SLIT3: variants seen among roughly 807,000 people sequenced by gnomAD.
SLIT3 encodes slit guidance ligand 3, also known as slit homolog 3 protein.
Under a neutral mutation model 184.0 loss-of-function variants are expected in SLIT3, and 68 were observed. The ratio of observed to expected loss-of-function variants is 0.37; its 90% CI spans 0.30 to 0.45. The LOEUF is 0.45. SLIT3 is among the 20% of genes least tolerant of loss of function. The pLI, the probability that SLIT3 is intolerant of heterozygous loss-of-function variation, is 1.00. For synonymous variants in SLIT3, 831 were observed against 828.6 expected, an observed-to-expected ratio of 1.00 and a Z score of -0.05; for missense variants, 1,707 against 2,026.0, an observed-to-expected ratio of 0.84 and a Z score of 3.02.
chr5:168,801,559 C>G (rs911239728), intron 9 of SLIT3, among the ~76,000 whole-genome samples: 1 of 152,112 alleles, frequency 6.6e-6, no homozygotes, highest in East Asian at 1.9e-4. Context: ...CGGGATACCA[C>G]CATGGGGAGA....
chr5:168,781,911 A>C lies in SLIT3; in HGVS notation c.1151+3996T>G, dbSNP rs1755986235. Among the ~76,000 whole-genome samples the C allele has an allele frequency of 2.0e-5, 3 of 152,218 alleles. No individual in the cohort carries two copies. The South Asian group carries it at 6.2e-4, about 32-fold the overall frequency. On this transcript the variant is annotated intron_variant, in intron 12 of 35. Coordinates refer to ENST00000519560, the MANE Select transcript of SLIT3 (RefSeq NM_003062.4). ...CTTAACCCTCAGTTTCCCCCTCTGT[A>C]AAATGGGCCTTTCCACAACACCTTC...
chr5:169,066,743 T>TCA (rs1758361092), intron 4 of SLIT3, among the ~76,000 whole-genome samples: 3 of 152,130 alleles, frequency 2.0e-5, no homozygotes, highest in Non-Finnish European at 4.4e-5. Context: ...AGGATATTAA[T>TCA]TGAAATGTTG....
At chr5:169,274,358 A>G (rs1427359222) in intron 1 of SLIT3, among the ~76,000 whole-genome samples, 2 of 152,358 alleles carry the variant, frequency 1.3e-5, no homozygotes, top group African/African-American at 4.8e-5. Flanking sequence ...AAAGGCAACT[A>G]CTTTAACCTC....
chr5:169,069,594 T>C (rs1401000212), intron 4 of SLIT3, among the ~76,000 whole-genome samples: 1 of 152,138 alleles, frequency 6.6e-6, no homozygotes, highest in African/African-American at 2.4e-5. Context: ...CACTGGACAC[T>C]TAGCACACTC....
chr5:169,151,517 C>A (rs570137123), intron 4 of SLIT3, among the ~76,000 whole-genome samples: 2 of 152,340 alleles, frequency 1.3e-5, no homozygotes, highest in South Asian at 4.1e-4. Context: ...TGTAAGGGAC[C>A]AAAATGAGCT....
At chr5:168,955,968 C>T (rs1187174585) in intron 4 of SLIT3, among the ~76,000 whole-genome samples, 3 of 152,166 alleles carry the variant, frequency 2.0e-5, no homozygotes, top group African/African-American at 7.2e-5. Flanking sequence ...AGCCAACAAG[C>T]ATCTGGGCTG....
chr5:168,757,740 CCT>C (rs1423685036), intron 16 of SLIT3, among the ~76,000 whole-genome samples: 3 of 152,198 alleles, frequency 2.0e-5, no homozygotes, highest in Non-Finnish European at 2.9e-5. Context: ...CAACCCAACC[CCT>C]GTTTTAAATA....
intron 13 of SLIT3, among the ~76,000 whole-genome samples, chr5:168,773,830 C>T (rs1263160319): frequency 6.6e-6 from 1 of 152,096 alleles, no homozygotes; most frequent in Admixed American, 6.5e-5. Flanking sequence ...GAAATGGAGT[C>T]TGCTCAGAAT....
chr5:168,821,015 A>T (rs761950500), intron 7 of SLIT3, among the ~76,000 whole-genome samples: 69 of 152,124 alleles, frequency 4.5e-4, no homozygotes, highest in Non-Finnish European at 9.1e-4. Context: ...TCAAGTCTCC[A>T]GGGAGTTCTG....
At chr5:169,083,445 A>G (rs1454285785) in intron 4 of SLIT3, among the ~76,000 whole-genome samples, 2 of 152,218 alleles carry the variant, frequency 1.3e-5, no homozygotes, top group African/African-American at 4.8e-5. Flanking sequence ...ATCCAGGCTT[A>G]GCACTTCTTG....
In SLIT3 at chr5:169,110,080, T is replaced by C. The variant is rs138439043; in HGVS notation, c.413+83399A>G. ...CCAGGCTTGTCTTGAACTCCTGACC[T>C]CAGGTGATCTGCCTGCCTCAGCCTC... On this transcript the variant is annotated intron_variant, in intron 4 of 35. Transcript: ENST00000519560. Among the ~76,000 whole-genome samples, 580 of 152,252 alleles carry C rather than the reference T, an allele frequency of 3.8e-3. 3 individuals carry two copies. Among genetic ancestry groups the C allele is most frequent in the African/African-American group, 0.013 (553 of 41,550 alleles).
chr5:169,254,006 C>G (rs967446984), intron 1 of SLIT3, among the ~76,000 whole-genome samples: 1 of 152,186 alleles, frequency 6.6e-6, no homozygotes, highest in Non-Finnish European at 1.5e-5. Flanking sequence ...TGCTGCCTGC[C>G]TCTGCCCACC....
intron 4 of SLIT3, among the ~76,000 whole-genome samples, chr5:169,192,141 C>T (rs1052954309): frequency 2.0e-5 from 3 of 152,072 alleles, no homozygotes; most frequent in African/African-American, 7.2e-5. Context: ...CTCTTCTGGA[C>T]CCCCGGGCTG....
At chr5:169,265,273 T>A (rs555957136) in intron 1 of SLIT3, among the ~76,000 whole-genome samples, 1 of 152,222 alleles carries the variant, frequency 6.6e-6, no homozygotes, top group Non-Finnish European at 1.5e-5. Context: ...ACCTGCGTAG[T>A]CTGGTTCTCA....
intron 20 of SLIT3, among the ~76,000 whole-genome samples, chr5:168,747,280 G>A (rs1271053655): frequency 1.3e-5 from 2 of 152,126 alleles, no homozygotes; most frequent in Non-Finnish European, 2.9e-5. Flanking sequence ...TCTTTTTGTA[G>A]CATTTTTCAC....
rs934678373 is a variant in SLIT3, at chr5:168,864,250, T to C, written c.485+19015A>G. ...CAAGCATAATGCTTAAAAACACAAG[T>C]GGTAAAAGACTGTACAGACCATCTG... is the stretch of plus-strand genomic sequence containing the variant. On this transcript the variant is annotated intron_variant, in intron 5 of 35. Coordinates refer to ENST00000519560, the MANE Select transcript of SLIT3 (RefSeq NM_003062.4). 7.4e-4 allele frequency among the ~76,000 whole-genome samples: 113 copies of C among 152,224 alleles called. 1 individual carries two copies. Among genetic ancestry groups the C allele is most frequent in the African/African-American group, 2.5e-3 (105 of 41,546 alleles).
At chr5:168,939,194 C>A (rs12659804) in intron 4 of SLIT3, among the ~76,000 whole-genome samples, 1 of 151,996 alleles carries the variant, frequency 6.6e-6, no homozygotes, top group Admixed American at 6.5e-5. Context: ...TACGTAGCTG[C>A]GCTGTGGGTC....
chr5:168,837,756 G>T (rs1183694326), intron 6 of SLIT3, among the ~76,000 whole-genome samples: 1 of 152,182 alleles, frequency 6.6e-6, no homozygotes, highest in African/African-American at 2.4e-5. Flanking sequence ...TATTATGAGC[G>T]TCCCGATTGG....
At chr5:168,804,596 T>G (rs1175643101) in intron 9 of SLIT3, among the ~76,000 whole-genome samples, 3 of 151,840 alleles carry the variant, frequency 2.0e-5, no homozygotes, top group Admixed American at 1.3e-4. Context: ...GAAAGGAAGG[T>G]GGAGGGCCGC....
Sources: gnomAD v4.1 joint callset for allele counts (sites outside exome capture counted in the v4.1 genomes callset) on GRCh38, gnomAD v4.1.1 for gene constraint, MANE v1.5 for transcripts, NCBI Gene and HGNC (gene_info 2026-07-23, HGNC 2026-07-21) for gene names.